The following PELI2 variants were observed in gnomAD, a reference collection of about 807,000 sequenced individuals.
The protein encoded by PELI2 is E3 ubiquitin-protein ligase pellino homolog 2.
A neutral mutation model predicts 42.3 loss-of-function variants in PELI2; 23 were observed. That is an observed-to-expected ratio of 0.54 (90% confidence interval 0.39 to 0.77). The LOEUF (loss-of-function observed/expected upper bound fraction) is 0.77. Ranked by LOEUF, PELI2 falls within the 30% of genes least tolerant of loss-of-function variation. PELI2 has a pLI of 0.00. For missense variants in PELI2, 463 were observed against 553.2 expected (o/e 0.84, Z 1.64); for synonymous variants, 245 against 212.2 (o/e 1.15, Z -1.34).
chr14:56,232,629 A>G (rs1222091219), intron 2 of PELI2, among the ~76,000 whole-genome samples: 1 of 152,096 alleles, frequency 6.6e-6, no homozygotes, highest in Non-Finnish European at 1.5e-5. Context: ...AGAGCTATTT[A>G]TGACAAACCC....
In PELI2 at chr14:56,255,729, A is replaced by G. The variant is rs191314333; in HGVS notation, c.208-23947A>G. On this transcript the variant is annotated intron_variant, in intron 2 of 5. Coordinates refer to ENST00000267460, the MANE Select transcript of PELI2 (RefSeq NM_021255.3). ...TGTTTGATGTACGTAGGGCCCACAG[A>G]TTGGTGTGATCAGGTGTGTCATTTA... 2.1e-3 allele frequency among the ~76,000 whole-genome samples: 317 copies of G among 152,282 alleles called. 3 individuals carry two copies. The Middle Eastern group carries it at 0.037, about 18-fold the overall frequency.
rs193248698 is a variant in PELI2, at chr14:56,298,946, A to G, written c.*1780A>G. ...TAGCTTACTCTACCTGCAGACAGAAAATGAAAGAAAAAAATGGACTTGCCT... is the reference window on the plus strand; with the variant it reads ...TAGCTTACTCTACCTGCAGACAGAAGATGAAAGAAAAAAATGGACTTGCCT... On this transcript the variant is annotated 3_prime_UTR_variant, in exon 6 of 6. Coordinates refer to ENST00000267460, the MANE Select transcript of PELI2 (RefSeq NM_021255.3). 9.1e-4 allele frequency: 139 copies of G among 152,324 alleles called. No homozygotes were observed. Among genetic ancestry groups the G allele is most frequent in the African/African-American group, 3.2e-3 (135 of 41,578 alleles). 9.4% of individuals were successfully genotyped at this position (152,324 alleles called of 1,614,324 possible).
chr14:56,181,661 G>T (rs1431740322), intron 2 of PELI2, among the ~76,000 whole-genome samples: 1 of 152,044 alleles, frequency 6.6e-6, no homozygotes, highest in Admixed American at 6.5e-5. Context: ...CCCTTTGCTG[G>T]TGGTCGTGGC....
intron 2 of PELI2, among the ~76,000 whole-genome samples, chr14:56,213,979 G>A (rs530047813): frequency 1.3e-5 from 2 of 152,244 alleles, no homozygotes; most frequent in South Asian, 2.1e-4. Flanking sequence ...AGCCTCTCAA[G>A]TAGCTGGAAC....
rs1887602688 is a variant in PELI2 at position 56,232,141 on chromosome 14, C to T, written c.208-47535C>T. Among the ~76,000 whole-genome samples the T allele has an allele frequency of 2.0e-5, 3 of 152,176 alleles. No individual in the cohort carries two copies. The South Asian group carries it at 6.2e-4, about 32-fold the overall frequency. ...AATAGCTTACCAACCAAAAAAAGTCCAGGACCAGAAGGATTCACAGCCAGA... is the reference window on the plus strand; with the variant it reads ...AATAGCTTACCAACCAAAAAAAGTCTAGGACCAGAAGGATTCACAGCCAGA... On this transcript the variant is annotated intron_variant, in intron 2 of 5. Transcript: ENST00000267460.
intron 2 of PELI2, among the ~76,000 whole-genome samples, chr14:56,191,154 G>A (rs1885936837): frequency 1.3e-5 from 2 of 152,118 alleles, no homozygotes; most frequent in Non-Finnish European, 2.9e-5. Flanking sequence ...AGATTGTGAG[G>A]TCCTGGACAG....
intron 1 of PELI2, among the ~76,000 whole-genome samples, chr14:56,146,627 G>T (rs1385952377): frequency 6.6e-6 from 1 of 152,168 alleles, no homozygotes; most frequent in African/African-American, 2.4e-5. Context: ...CAGTCATAGG[G>T]TCTTGGAGGA....
At chr14:56,134,422 T>C (rs1425235461) in intron 1 of PELI2, among the ~76,000 whole-genome samples, 12 of 152,368 alleles carry the variant, frequency 7.9e-5, no homozygotes, top group African/African-American at 2.6e-4. Context: ...GTATTATTTT[T>C]TCCTGATAGT....
chr14:56,287,706 A>T (rs948531323), intron 3 of PELI2, among the ~76,000 whole-genome samples: 1 of 152,220 alleles, frequency 6.6e-6, no homozygotes, highest in African/African-American at 2.4e-5. Flanking sequence ...TTTTAGAGAG[A>T]TAGTCTGTGC....
chr14:56,265,324 A>G (rs1282193058), intron 2 of PELI2, among the ~76,000 whole-genome samples: 2 of 152,062 alleles, frequency 1.3e-5, no homozygotes. Flanking sequence ...AAATAGACCC[A>G]TATATATATG....
At chr14:56,284,838 G>A (rs192198689) in intron 3 of PELI2, among the ~76,000 whole-genome samples, 1 of 152,310 alleles carries the variant, frequency 6.6e-6, no homozygotes, top group East Asian at 1.9e-4. Flanking sequence ...CTCTCAAGGA[G>A]GCTACATCTG....
At position 56,297,075 on chromosome 14, in the gene PELI2, A is replaced by T. The variant is rs922523501; in HGVS notation, c.1172A>T (p.His391Leu). 10 of 1,612,294 alleles carry T rather than the reference A, an allele frequency of 6.2e-6. No individual in the cohort carries two copies. Among genetic ancestry groups the T allele is most frequent in the Non-Finnish European group, 8.5e-6 (10 of 1,179,930 alleles). The change falls in exon 6 of 6, where the codon CAT becomes CTT. Residue 391 changes from histidine to leucine, a missense_variant. By Grantham distance (99) the His-to-Leu change is moderately conservative. Around this residue, in one of 3 missense-constraint regions of PELI2, gnomAD observed 103 missense variants for 129.6 expected, o/e 0.80. Coordinates refer to ENST00000267460, the MANE Select transcript of PELI2 (RefSeq NM_021255.3). ...CAGATCCCGTTGCCTCATGGAACTCATGCATTTCACGCTGCTTGCCCTTTC... is the reference window on the plus strand; with the variant it reads ...CAGATCCCGTTGCCTCATGGAACTCTTGCATTTCACGCTGCTTGCCCTTTC... ...WSQIPLPHGT[H>L]AFHAACPFCA...
At chr14:56,199,247 C>T (rs1886247043) in intron 2 of PELI2, among the ~76,000 whole-genome samples, 1 of 152,306 alleles carries the variant, frequency 6.6e-6, no homozygotes, top group South Asian at 2.1e-4. Context: ...TAGTGATTGT[C>T]CTGAGTGTCT....
At chr14:56,254,767 T>C (rs1266870463) in intron 2 of PELI2, among the ~76,000 whole-genome samples, 2 of 152,112 alleles carry the variant, frequency 1.3e-5, no homozygotes. Context: ...ATATCCAGAA[T>C]CTACAAGGAA....
Position 56,118,652 on chromosome 14 carries a change from C to G in PELI2, c.-9C>G. ...GTCGGCGGCGGCGTCGGCGGCCGAG[C>G]GGGGCTCCATGTTTTCCCCTGGCCA... On this transcript the variant is annotated 5_prime_UTR_variant, in exon 1 of 6. Transcript: ENST00000267460. The G allele has an allele frequency of 2.8e-6, 4 of 1,409,348 alleles. No homozygotes were observed. Among genetic ancestry groups the G allele is most frequent in the Non-Finnish European group, 3.7e-6 (4 of 1,074,684 alleles). 87.3% of individuals were successfully genotyped at this position (1,409,348 alleles called of 1,614,324 possible).
intron 2 of PELI2, among the ~76,000 whole-genome samples, chr14:56,216,769 C>T (rs994562780): frequency 1.1e-4 from 16 of 152,240 alleles, no homozygotes; most frequent in Non-Finnish European, 2.2e-4. Context: ...GCTCAGTGTT[C>T]TGGCTCCCCT....
intron 2 of PELI2, among the ~76,000 whole-genome samples, chr14:56,190,864 A>G (rs1374904863): frequency 6.6e-6 from 1 of 152,264 alleles, no homozygotes. Flanking sequence ...AAAAGCTACC[A>G]GTGGTCACAT....
intron 2 of PELI2, among the ~76,000 whole-genome samples, chr14:56,255,579 C>G (rs1231507872): frequency 1.3e-5 from 2 of 152,096 alleles, no homozygotes; most frequent in East Asian, 3.9e-4. Context: ...CACATGTATG[C>G]CTATGTAACA....
intron 2 of PELI2, among the ~76,000 whole-genome samples, chr14:56,234,514 C>A (rs10132757): frequency 6.6e-6 from 1 of 151,950 alleles, no homozygotes; most frequent in Admixed American, 6.5e-5. Flanking sequence ...GAAAACCAAA[C>A]ACCATGTGTT....
Sources: gnomAD v4.1 joint callset for allele counts (sites outside exome capture counted in the v4.1 genomes callset) on GRCh38, gnomAD v4.1.1 for gene constraint, gnomAD v4.1.1 regional missense constraint, MANE v1.5 for transcripts, NCBI Gene and HGNC (gene_info 2026-07-23, HGNC 2026-07-21) for gene names.